Variants in ZNF804B observed in about 807,000 individuals in gnomAD.
ZNF804B encodes the protein zinc finger protein 804B.
In ZNF804B, 80 loss-of-function variants were observed where a neutral mutation model predicts 101.4. The observed-to-expected ratio is 0.79, with a 90% CI of 0.66 to 0.95. The LOEUF (loss-of-function observed/expected upper bound fraction) is 0.95. Ranked by LOEUF, ZNF804B falls within the 40% of genes least tolerant of loss-of-function variation. The pLI is 0.00. For missense variants in ZNF804B, 1,673 were observed against 1,561.9 expected, an observed-to-expected ratio of 1.07 and a Z score of -1.20; for synonymous variants, 622 against 558.8, an observed-to-expected ratio of 1.11 and a Z score of -1.59.
At chr7:88,840,732 A>G (rs1342578988) in intron 1 of ZNF804B, among the ~76,000 whole-genome samples, 1 of 152,164 alleles carries the variant, frequency 6.6e-6, no homozygotes, top group Non-Finnish European at 1.5e-5. Context: ...AAAACCAATA[A>G]TTAGTATTGT....
intron 1 of ZNF804B, among the ~76,000 whole-genome samples, chr7:88,869,628 C>G (rs999249397): frequency 6.6e-6 from 1 of 152,088 alleles, no homozygotes; most frequent in Non-Finnish European, 1.5e-5. Context: ...ACTTTAAGTT[C>G]AATTTCTGAG....
intron 1 of ZNF804B, among the ~76,000 whole-genome samples, chr7:88,845,700 A>G (rs1200083137): frequency 6.6e-6 from 1 of 152,120 alleles, no homozygotes. Flanking sequence ...CTTCAAAAGC[A>G]GAATACAAGT....
intron 1 of ZNF804B, among the ~76,000 whole-genome samples, chr7:88,948,668 A>T (rs960144841): frequency 6.6e-6 from 1 of 151,898 alleles, no homozygotes; most frequent in African/African-American, 2.4e-5. Context: ...CTGGTGTCTA[A>T]GACTCATCTT....
At chr7:89,013,508 T>G (rs1033298842) in intron 1 of ZNF804B, among the ~76,000 whole-genome samples, 4 of 152,348 alleles carry the variant, frequency 2.6e-5, no homozygotes, top group Middle Eastern at 3.4e-3. Flanking sequence ...ATTTTTATTT[T>G]TTAATTGACA....
At chr7:88,886,131 A>C (rs1792122137) in intron 1 of ZNF804B, among the ~76,000 whole-genome samples, 1 of 152,136 alleles carries the variant, frequency 6.6e-6, no homozygotes, top group African/African-American at 2.4e-5. Context: ...CCATATTTAT[A>C]GGATCATTAA....
At chr7:89,103,055 T>TTTTTTTTTGTTTG (rs1790082682) in intron 1 of ZNF804B, among the ~76,000 whole-genome samples, 1 of 45,080 alleles carries the variant, frequency 2.2e-5, no homozygotes, top group African/African-American at 9.1e-5. Flanking sequence ...TCTGTTTTTT[T>TTTTTTTTTGTTTG]TTTTTTTTTT....
intron 1 of ZNF804B, among the ~76,000 whole-genome samples, chr7:88,855,357 A>G (rs1791538496): frequency 1.3e-5 from 2 of 148,940 alleles, no homozygotes; most frequent in Admixed American, 1.4e-4. Flanking sequence ...ATGGCCAGTG[A>G]TGATGAGCAT....
chr7:89,001,372 A>G (rs980114203), intron 1 of ZNF804B, among the ~76,000 whole-genome samples: 3 of 151,496 alleles, frequency 2.0e-5, no homozygotes, highest in East Asian at 3.9e-4. Context: ...TTTTTTTTAA[A>G]AGCTAAATGA....
chr7:88,870,777 T>C (rs558001557), intron 1 of ZNF804B, among the ~76,000 whole-genome samples: 5 of 152,224 alleles, frequency 3.3e-5, no homozygotes, highest in African/African-American at 9.6e-5. Flanking sequence ...CAGTTACACA[T>C]TGCAAAAAAA....
chr7:88,985,802 C>T (rs1793752110), intron 1 of ZNF804B, among the ~76,000 whole-genome samples: 1 of 152,048 alleles, frequency 6.6e-6, no homozygotes, highest in South Asian at 2.1e-4. Flanking sequence ...TCTATAACCA[C>T]CATGGGTCAC....
At chr7:89,092,346 G>C (rs957477597) in intron 1 of ZNF804B, among the ~76,000 whole-genome samples, 5 of 150,774 alleles carry the variant, frequency 3.3e-5, no homozygotes, top group African/African-American at 1.2e-4. Context: ...TCAGACGATA[G>C]CATCGTGGAC....
intron 1 of ZNF804B, among the ~76,000 whole-genome samples, chr7:88,842,857 C>T (rs1228387007): frequency 6.6e-6 from 1 of 152,154 alleles, no homozygotes; most frequent in Non-Finnish European, 1.5e-5. Context: ...GATTCATTCT[C>T]AAATCATTTG....
chr7:89,001,218 A>G (rs1788282954), intron 1 of ZNF804B, among the ~76,000 whole-genome samples: 2 of 150,516 alleles, frequency 1.3e-5, no homozygotes, highest in Non-Finnish European at 3.0e-5. Context: ...TCTCACCACA[A>G]AAGGAACCAT....
rs749824159 is a variant in ZNF804B, at chr7:89,335,851, G to C, written c.2869G>C (p.Ala957Pro). 5 of 1,614,048 alleles carry C rather than the reference G, an allele frequency of 3.1e-6. No individual in the cohort carries two copies. The highest frequency in any genetic ancestry group is 3.3e-5 in the Admixed American group (2 of 59,992). ...AAACAGTTGTAAAAGTGAATTAGAG[G>C]CTCCTTCGCAAGTCCCATGCACAAT... ...SSNSCKSELE[A>P]PSQVPCTIQL... The change falls in exon 4 of 4, where the codon GCT becomes CCT. Residue 957 changes from alanine (A) to proline (P), a missense_variant. Coordinates refer to ENST00000333190, the MANE Select transcript of ZNF804B (RefSeq NM_181646.5).
At chr7:89,211,882 A>T (rs1387744595) in intron 1 of ZNF804B, among the ~76,000 whole-genome samples, 1 of 152,186 alleles carries the variant, frequency 6.6e-6, no homozygotes, top group African/African-American at 2.4e-5. Flanking sequence ...TCTGTGAAGA[A>T]TGTCCATGGT....
chr7:88,794,747 C>G (rs1437282591), intron 1 of ZNF804B: 4 of 1,613,336 alleles, frequency 2.5e-6, no homozygotes, highest in Non-Finnish European at 3.4e-6. Flanking sequence ...TAGTAGTCAG[C>G]AACATCTTTT....
At chr7:89,088,622 A>G (rs765941000) in intron 1 of ZNF804B, among the ~76,000 whole-genome samples, 4 of 146,048 alleles carry the variant, frequency 2.7e-5, no homozygotes, top group East Asian at 2.0e-4. Context: ...ACTAACTTCT[A>G]TCACTCCTGC....
intron 2 of ZNF804B, among the ~76,000 whole-genome samples, chr7:89,250,109 C>A (rs1193614743): frequency 6.6e-6 from 1 of 152,050 alleles, no homozygotes; most frequent in South Asian, 2.1e-4. Flanking sequence ...ACTGCTTGAA[C>A]CCAGGAGGCA....
chr7:89,167,444 T>TATAAATAAATAAATAAATAAATAAATAA (rs3059362), intron 1 of ZNF804B, among the ~76,000 whole-genome samples: 9 of 112,438 alleles, frequency 8.0e-5, no homozygotes, highest in South Asian at 3.0e-4. Flanking sequence ...GACAGTGTCT[T>TATAAATAAATAAATAAATAAATAAATAA]ATAAATAAAT....
Sources: allele counts gnomAD v4.1 joint callset (sites outside exome capture counted in the v4.1 genomes callset), GRCh38; gene constraint gnomAD v4.1.1; transcripts MANE v1.5; gene names NCBI Gene and HGNC (gene_info 2026-07-23, HGNC 2026-07-21).